Variants in CDYL observed in about 807,000 individuals in gnomAD.
CDYL encodes the protein chromodomain Y-like protein.
In CDYL, 8 loss-of-function variants were observed where a neutral mutation model predicts 47.3. The observed-to-expected ratio is 0.17, with a 90% CI of 0.10 to 0.31. The LOEUF (loss-of-function observed/expected upper bound fraction) is 0.31, where lower values mean the gene tolerates loss of function less well. Ranked by LOEUF, CDYL falls within the 10% of genes least tolerant of loss-of-function variation. The pLI is 1.00. For synonymous variants in CDYL, 266 were observed against 265.0 expected (o/e 1.00, Z -0.04); for missense variants, 471 against 701.4 (o/e 0.67, Z 3.71).
intron 2 of CDYL, among the ~76,000 whole-genome samples, chr6:4,722,149 G>A (rs546684133): frequency 3.3e-5 from 5 of 152,118 alleles, no homozygotes; most frequent in South Asian, 2.1e-4. Flanking sequence ...CACTGCGCCC[G>A]GCCAGAGAAA....
intron 1 of CDYL, among the ~76,000 whole-genome samples, chr6:4,821,541 C>T (rs1417952979): frequency 6.6e-6 from 1 of 152,070 alleles, no homozygotes; most frequent in Non-Finnish European, 1.5e-5. Flanking sequence ...TGAGGCCATC[C>T]TGGCCAACAT....
At chr6:4,921,419 A>G (rs1046519422) in intron 2 of CDYL, among the ~76,000 whole-genome samples, 27 of 152,238 alleles carry the variant, frequency 1.8e-4, no homozygotes, top group African/African-American at 5.8e-4. Context: ...AGTCCTTAAC[A>G]TTTAATAAAC....
At chr6:4,724,800 T>G (rs370834626) in intron 2 of CDYL, 1 of 152,174 alleles carries the variant, frequency 6.6e-6, no homozygotes, top group Non-Finnish European at 1.5e-5. Context: ...CAGTGTGGAC[T>G]CAAAGAATTA....
chr6:4,873,402 A>G (rs1030582079), intron 1 of CDYL, among the ~76,000 whole-genome samples: 2 of 152,148 alleles, frequency 1.3e-5, no homozygotes, highest in African/African-American at 2.4e-5. Flanking sequence ...AGAATTCCCA[A>G]TCTCATATTG....
At chr6:4,770,398 G>A (rs551266900) in intron 3 of CDYL, among the ~76,000 whole-genome samples, 7 of 152,298 alleles carry the variant, frequency 4.6e-5, no homozygotes, top group South Asian at 2.1e-4. Context: ...CTTTGTGGAC[G>A]AATGTGCTTA....
At chr6:4,879,146 A>C (rs931564546) in intron 1 of CDYL, among the ~76,000 whole-genome samples, 4 of 152,204 alleles carry the variant, frequency 2.6e-5, no homozygotes, top group African/African-American at 9.6e-5. Context: ...ATTTCAAGTG[A>C]TTTAAAGATA....
intron 2 of CDYL, among the ~76,000 whole-genome samples, chr6:4,896,822 CATTA>C (rs1158413554): frequency 6.6e-6 from 1 of 152,202 alleles, no homozygotes; most frequent in Non-Finnish European, 1.5e-5. Context: ...TCATTCAAAA[CATTA>C]ATCATATACT....
At position 4,935,561 on chromosome 6, in the gene CDYL, C is replaced by T; in HGVS notation, c.738C>T (p.Asn246=). 1 of 1,614,198 alleles carries T rather than the reference C, an allele frequency of 6.2e-7. No homozygotes were observed. ...MDALTANGTT[N]IQTSVTGVTA... ...CATTAACAGCCAATGGGACAACCAA[C>T]ATACAGACATCTGTTACAGGAGTGA... Residue 246 remains asparagine, a synonymous_variant, in exon 3 of 7, where the codon AAC becomes AAT. Coordinates refer to ENST00000397588, the MANE Select transcript of CDYL (RefSeq NM_004824.4).
At chr6:4,723,275 G>A (rs141025349) in intron 2 of CDYL, among the ~76,000 whole-genome samples, 141 of 152,252 alleles carry the variant, frequency 9.3e-4, no homozygotes, top group Admixed American at 2.0e-3. Flanking sequence ...CATTGACTAT[G>A]CCATTATATC....
At chr6:4,882,708 T>C (rs774125000) in intron 1 of CDYL, among the ~76,000 whole-genome samples, 8 of 152,190 alleles carry the variant, frequency 5.3e-5, no homozygotes, top group Admixed American at 4.6e-4. Flanking sequence ...GGCTTAATTA[T>C]TTTTGTAGTG....
At chr6:4,750,234 G>T (rs1276767701) in intron 3 of CDYL, among the ~76,000 whole-genome samples, 1 of 151,890 alleles carries the variant, frequency 6.6e-6, no homozygotes, top group African/African-American at 2.4e-5. Flanking sequence ...ACGGAGTCTT[G>T]CTCTGTTGCC....
At chr6:4,852,592 C>CT (rs1554102575) in intron 1 of CDYL, among the ~76,000 whole-genome samples, 1 of 118,260 alleles carries the variant, frequency 8.5e-6, no homozygotes, top group African/African-American at 4.2e-5. Flanking sequence ...ATCTTCCTTC[C>CT]TCCTTCCTTC....
rs1554133651 is a variant in CDYL at position 4,749,311 on chromosome 6, G to GGATGGATGGATGGATA, written c.186+14482_186+14483insAGATGGATGGATGGAT. Among the ~76,000 whole-genome samples the GGATGGATGGATGGATA allele has an allele frequency of 1.8e-3, 234 of 126,532 alleles. 2 individuals carry two copies. The highest frequency in any genetic ancestry group is 0.012 in the East Asian group (51 of 4,262). 83.0% of individuals were successfully genotyped at this position (126,532 alleles called of 152,430 possible). A position where few individuals can be genotyped will look rare whatever the true frequency, so the allele number is the denominator to read the frequency against. ...TGGATGGATGGATGGATGGATAGAT[G>GGATGGATGGATGGATA]GATGGATGGATGGATGGATGGATGG... On this transcript the variant is annotated intron_variant, in intron 3 of 8. Transcript: ENST00000328908.
intron 2 of CDYL, among the ~76,000 whole-genome samples, chr6:4,725,561 G>A (rs6913737): frequency 0.18 from 28,059 of 152,242 alleles, 2,916 homozygotes; most frequent in Admixed American, 0.27. Flanking sequence ...CTCACTGCCC[G>A]GGGCTTGCTG....
chr6:4,886,260 G>A (rs1203587814), intron 1 of CDYL, among the ~76,000 whole-genome samples: 1 of 152,202 alleles, frequency 6.6e-6, no homozygotes, highest in African/African-American at 2.4e-5. Flanking sequence ...TAGATACCTA[G>A]GAGTGGAGTT....
At chr6:4,844,579 C>G (rs1011867131) in intron 1 of CDYL, among the ~76,000 whole-genome samples, 1 of 152,180 alleles carries the variant, frequency 6.6e-6, no homozygotes, top group Non-Finnish European at 1.5e-5. Flanking sequence ...TGCCATTTTC[C>G]TTGTGACTCT....
At chr6:4,851,642 T>G (rs993460443) in intron 1 of CDYL, among the ~76,000 whole-genome samples, 15 of 152,244 alleles carry the variant, frequency 9.9e-5, no homozygotes, top group Non-Finnish European at 8.8e-5. Flanking sequence ...AACCACCGTT[T>G]AATTCTTCAC....
chr6:4,834,867 G>A (rs1181097753), intron 1 of CDYL, among the ~76,000 whole-genome samples: 8 of 151,388 alleles, frequency 5.3e-5, no homozygotes, highest in East Asian at 1.9e-4. Context: ...TGATCACATC[G>A]GCTCCTGAGG....
chr6:4,819,229 A>G (rs1759765634), intron 1 of CDYL, among the ~76,000 whole-genome samples: 1 of 145,240 alleles, frequency 6.9e-6, no homozygotes, highest in Non-Finnish European at 1.5e-5. Context: ...GATGTTATTT[A>G]TGTGCATTGG....
Sources: gnomAD v4.1 joint callset for allele counts (sites outside exome capture counted in the v4.1 genomes callset) on GRCh38, gnomAD v4.1.1 for gene constraint, MANE v1.5 for transcripts, NCBI Gene and HGNC (gene_info 2026-07-23, HGNC 2026-07-21) for gene names.